MYO7B: variants seen among roughly 807,000 people sequenced by gnomAD.
MYO7B encodes the protein unconventional myosin-VIIb.
Under a neutral mutation model 259.7 loss-of-function variants are expected in MYO7B, and 212 were observed. That is an observed-to-expected ratio of 0.82 (90% CI 0.73 to 0.91). MYO7B has a LOEUF of 0.91. Among genes scored for constraint, MYO7B ranks in the 40% least tolerant of loss-of-function variants. The pLI is 0.00. For missense variants in MYO7B, 2,732 were observed against 2,813.5 expected, an observed-to-expected ratio of 0.97 and a Z score of 0.66; for synonymous variants, 1,197 against 1,166.4, an observed-to-expected ratio of 1.03 and a Z score of -0.54.
chr2:127,632,494 C>T, intron 39 of MYO7B, 93 bp downstream of exon 39: 1 of 1,428,370 alleles, frequency 7.0e-7, no homozygotes. Flanking sequence ...AGCTCATGGT[C>T]CTGGGAGGAC....
In MYO7B at chr2:127,628,790, C is replaced by T. The variant is rs929217636; in HGVS notation, c.4624+255C>T. On this transcript the variant is annotated intron_variant, in intron 34 of 47. Coordinates refer to ENST00000409816, the MANE Select transcript of MYO7B (RefSeq NM_001393586.1). This position sits in a 1 kb window ranked among gnomAD's most constrained non-coding sequence, Gnocchi z 4.8. The stretch of plus-strand genomic sequence containing the variant: ...CATAGGCCAGCCATGCTCAGCGCTG[C>T]ACTGCTGCAGAAGCACTGAGAAAGG... Among the ~76,000 whole-genome samples, 1 of 152,242 alleles carries T rather than the reference C, an allele frequency of 6.6e-6. No homozygotes were observed. Among genetic ancestry groups the T allele is most frequent in the African/African-American group, 2.4e-5 (1 of 41,458 alleles).
chr2:127,635,525 C>T (rs1274938696), intron 43 of MYO7B, 197 bp from the exon 44 acceptor site: 18 of 669,678 alleles, frequency 2.7e-5, no homozygotes, highest in Non-Finnish European at 3.7e-5. Flanking sequence ...TGGAGCAGGC[C>T]ATCACCTCCA....
At position 127,596,610 on chromosome 2, in the gene MYO7B, A is replaced by G. The variant is rs940772489; in HGVS notation, c.2339+54A>G. On this transcript the variant is annotated intron_variant, in intron 19 of 47. Transcript: ENST00000409816. Reference sequence around the variant, plus strand: ...GCCTACTCCTGCCCACAGTGTCCCCACACAGGCCTGCAGCCCACAAACCAG... The same window carrying G: ...GCCTACTCCTGCCCACAGTGTCCCCGCACAGGCCTGCAGCCCACAAACCAG... The G allele has an allele frequency of 2.1e-6, 3 of 1,408,288 alleles. No individual in the cohort carries two copies. In the African/African-American group the frequency reaches 4.3e-5, roughly 20 times the overall value. 87.2% of individuals were successfully genotyped at this position (1,408,288 alleles called of 1,614,324 possible). A position where few individuals can be genotyped will look rare whatever the true frequency, so the allele number is the denominator to read the frequency against.
At position 127,635,019 on chromosome 2, in the gene MYO7B, C is replaced by T. The variant is rs565688234; in HGVS notation, c.5714-101C>T. 458 of 916,778 alleles carry T rather than the reference C, an allele frequency of 5.0e-4. 2 individuals are homozygous for T. The East Asian group carries it at 9.8e-3, about 20-fold the overall frequency. 56.8% of individuals were successfully genotyped at this position (916,778 alleles called of 1,614,324 possible). A position where few individuals can be genotyped will look rare whatever the true frequency, so the allele number is the denominator to read the frequency against. ...GGGGAGGAAGAAGCGTGGGGGCTTT[C>T]GAGGCAGGGAGGTGGCAGGCGCAGT... is the stretch of plus-strand genomic sequence containing the variant. On this transcript the variant is annotated intron_variant, in intron 42 of 47. Transcript: ENST00000409816.
Position 127,566,622 on chromosome 2 carries a change from G to A in MYO7B, c.286-21G>A, listed in dbSNP as rs752729919. The A allele has an allele frequency of 2.6e-5, 41 of 1,550,230 alleles. No individual in the cohort carries two copies. The South Asian group carries it at 4.2e-4, about 16-fold the overall frequency. On this transcript the variant is annotated intron_variant, in intron 4 of 47. Transcript: ENST00000409816. ...ACCTCTGCCAGGGGCAGAGGGCACT[G>A]ACCACCTGCTTCCTTCCCAGACATA...
intron 27 of MYO7B, 38 bp from the exon 28 acceptor site, chr2:127,621,944 T>C: frequency 6.4e-7 from 1 of 1,551,682 alleles, no homozygotes; most frequent in Middle Eastern, 1.7e-4. Context: ...GCCTCCTTTC[T>C]GAGTGTCTTC....
At position 127,615,996 on chromosome 2, in the gene MYO7B, C is replaced by T. The variant is rs183620191; in HGVS notation, c.3398+3393C>T. Among the ~76,000 whole-genome samples, 2 of 152,208 alleles carry T rather than the reference C, an allele frequency of 1.3e-5. No individual in the cohort carries two copies. The highest frequency in any genetic ancestry group is 2.9e-5 in the Non-Finnish European group (2 of 68,044). The stretch of plus-strand genomic sequence containing the variant: ...TCCTGTGAAAACACAAGCATACCCT[C>T]GTTCCCACAATAGTAAATCTCCTGA... On this transcript the variant is annotated intron_variant, in intron 26 of 47. Coordinates refer to ENST00000409816, the MANE Select transcript of MYO7B (RefSeq NM_001393586.1). This position sits in a 1 kb window ranked among gnomAD's most constrained non-coding sequence, Gnocchi z 4.4.
intron 5 of MYO7B, among the ~76,000 whole-genome samples, chr2:127,569,241 G>A (rs1678484865): frequency 6.7e-6 from 1 of 149,958 alleles, no homozygotes; most frequent in Admixed American, 6.6e-5. Flanking sequence ...AATATTTTCA[G>A]ATGAAGCAAC....
At chr2:127,635,701 C>G (rs772584446) in intron 43 of MYO7B, 21 bp from the exon 44 acceptor site, 5 of 1,586,656 alleles carry the variant, frequency 3.2e-6, no homozygotes, top group Non-Finnish European at 4.3e-6. Flanking sequence ...ACCCAGCATG[C>G]CCAGTGTGTC....
chr2:127,624,934 AG>A (rs1393625551), intron 30 of MYO7B, among the ~76,000 whole-genome samples: 1 of 152,178 alleles, frequency 6.6e-6, no homozygotes, highest in Non-Finnish European at 1.5e-5. Context: ...AGGCATGGGC[AG>A]GGGGTGGCAG....
Position 127,615,038 on chromosome 2 carries a change from A to G in MYO7B, c.3398+2435A>G, listed in dbSNP as rs1029095798. The stretch of plus-strand genomic sequence containing the variant: ...TGAGGGCCAGGGACAGAGATGAAGA[A>G]GACATGGCTCTGTCCTGGAGGAGCT... On this transcript the variant is annotated intron_variant, in intron 26 of 47. Transcript: ENST00000409816. This position sits in a 1 kb window ranked among gnomAD's most constrained non-coding sequence, Gnocchi z 4.4. Among the ~76,000 whole-genome samples the G allele has an allele frequency of 9.2e-5, 14 of 152,186 alleles. No individual in the cohort carries two copies. Among genetic ancestry groups the G allele is most frequent in the Non-Finnish European group, 1.8e-4 (12 of 68,046 alleles).
At chr2:127,588,218 G>A (rs1679377310) in intron 14 of MYO7B, among the ~76,000 whole-genome samples, 174 bp from the exon 15 acceptor site, 1 of 152,106 alleles carries the variant, frequency 6.6e-6, no homozygotes, top group Non-Finnish European at 1.5e-5. Context: ...TTTGTGCTGG[G>A]TAGATGGTGG....
At position 127,607,925 on chromosome 2, in the gene MYO7B, A is replaced by G. The variant is rs151190379; in HGVS notation, c.2643+501A>G. On this transcript the variant is annotated intron_variant, in intron 21 of 47. Transcript: ENST00000409816. The surrounding 1 kb of genome is among the most constrained non-coding windows in gnomAD (Gnocchi z 4.4). ...ACAAGCTGGGAAAGGCCCCAGTTCCATGGAAGAGAGCAAAGTGTCCTGGTT... is the reference window on the plus strand; with the variant it reads ...ACAAGCTGGGAAAGGCCCCAGTTCCGTGGAAGAGAGCAAAGTGTCCTGGTT... 5.9e-3 allele frequency among the ~76,000 whole-genome samples: 904 copies of G among 152,300 alleles called. 9 individuals are homozygous for G. The highest frequency in any genetic ancestry group is 0.021 in the African/African-American group (861 of 41,566).
In MYO7B at chr2:127,582,259, C is replaced by T. The variant is rs767759217; in HGVS notation, c.1201-45C>T. Reference sequence around the variant, plus strand: ...AGGTGAACTTGGAGGTAACCTCCGCCTGAGCCTCCAAGCCCAGGATTCTCC... The same window carrying T: ...AGGTGAACTTGGAGGTAACCTCCGCTTGAGCCTCCAAGCCCAGGATTCTCC... On this transcript the variant is annotated intron_variant, in intron 11 of 47. Coordinates refer to ENST00000409816, the MANE Select transcript of MYO7B (RefSeq NM_001393586.1). 3.7e-6 allele frequency: 6 copies of T among 1,605,096 alleles called. No individual in the cohort carries two copies. The African/African-American group carries it at 8.0e-5, about 21-fold the overall frequency.
Position 127,539,504 on chromosome 2 carries a change from A to G in MYO7B, c.-24+3673A>G, listed in dbSNP as rs189999737. Among the ~76,000 whole-genome samples the G allele has an allele frequency of 2.6e-5, 4 of 152,350 alleles. No individual in the cohort carries two copies. In the East Asian group the frequency reaches 5.8e-4, roughly 22 times the overall value. On this transcript the variant is annotated intron_variant, in intron 1 of 47. Transcript: ENST00000409816. The surrounding 1 kb of genome is among the most constrained non-coding windows in gnomAD (Gnocchi z 4.0). ...AAAAAGGGAGAAAACGACATTGGCTATAACAGGAAATTCAGGAGAGTTTTT... is the reference window on the plus strand; with the variant it reads ...AAAAAGGGAGAAAACGACATTGGCTGTAACAGGAAATTCAGGAGAGTTTTT...
rs565030789 is a variant in MYO7B at position 127,631,648 on chromosome 2, C to G, written c.5144C>G (p.Thr1715Ser). The change falls in exon 38 of 48, where the codon ACC (threonine) becomes AGC (serine). Residue 1715 changes from threonine to serine, a missense_variant. By Grantham distance (58) the Thr-to-Ser change is moderately conservative (BLOSUM62 1). Around this residue, in one of 3 missense-constraint regions of MYO7B, gnomAD observed 821 missense variants for 769.3 expected, o/e 1.07. Coordinates refer to ENST00000409816, the MANE Select transcript of MYO7B (RefSeq NM_001393586.1). ...GDYPSRQAWPTLELTDQIFTL... is the reference protein window; with the variant it reads ...GDYPSRQAWPSLELTDQIFTL... Reference sequence around the variant, plus strand: ...TACCCTTCTCGGCAGGCCTGGCCCACCCTGGAGCTCACCGACCAGATCTTC... The same window carrying G: ...TACCCTTCTCGGCAGGCCTGGCCCAGCCTGGAGCTCACCGACCAGATCTTC... The G allele has an allele frequency of 1.9e-5, 31 of 1,613,090 alleles. No homozygotes were observed. The highest frequency in any genetic ancestry group is 2.5e-5 in the Non-Finnish European group (30 of 1,179,862).
chr2:127,562,012 A>AGAGAGAGAGAGAAAGG (rs1678108668), intron 2 of MYO7B, among the ~76,000 whole-genome samples: 1 of 149,436 alleles, frequency 6.7e-6, no homozygotes, highest in Admixed American at 6.6e-5. Flanking sequence ...AGAAAAAGAG[A>AGAGAGAGAGAGAAAGG]GAGAGAGAGA....
chr2:127,580,318 G>A (rs925256700), intron 9 of MYO7B, among the ~76,000 whole-genome samples: 7 of 152,150 alleles, frequency 4.6e-5, no homozygotes, highest in Non-Finnish European at 1.0e-4. Flanking sequence ...CTTACAGCTG[G>A]AGCTCCATTA....
At chr2:127,619,247 G>A (rs1680722116) in intron 26 of MYO7B, among the ~76,000 whole-genome samples, 1 of 131,684 alleles carries the variant, frequency 7.6e-6, no homozygotes, top group South Asian at 2.7e-4. Context: ...GTGGGGGCTG[G>A]TTGGGTTGTG....
Sources: gnomAD v4.1 joint callset for allele counts (sites outside exome capture counted in the v4.1 genomes callset) on GRCh38, gnomAD v4.1.1 for gene constraint, gnomAD v4.1.1 regional missense constraint, Gnocchi (gnomAD v3.1) non-coding constraint, MANE v1.5 for transcripts, NCBI Gene and HGNC (gene_info 2026-07-23, HGNC 2026-07-21) for gene names.